FHIT: variants seen among roughly 807,000 people sequenced by gnomAD.
The protein encoded by FHIT is bis(5'-adenosyl)-triphosphatase.
A neutral mutation model predicts 17.9 loss-of-function variants in FHIT; 19 were observed. The ratio of observed to expected loss-of-function variants is 1.06; its 90% CI spans 0.74 to 1.56. The LOEUF (loss-of-function observed/expected upper bound fraction) is 1.56, where lower values mean the gene tolerates loss of function less well. Among genes scored for constraint, FHIT ranks in the 40% most tolerant of loss-of-function variants. The pLI is 0.00. For missense variants in FHIT, 248 were observed against 189.2 expected, an observed-to-expected ratio of 1.31 and a Z score of -1.82; for synonymous variants, 81 against 69.7, an observed-to-expected ratio of 1.16 and a Z score of -0.81.
At chr3:60,135,593 G>A (rs1334336758) in intron 5 of FHIT, among the ~76,000 whole-genome samples, 1 of 152,014 alleles carries the variant, frequency 6.6e-6, no homozygotes, top group Non-Finnish European at 1.5e-5. Flanking sequence ...TCTACATGAA[G>A]TAACCCGACT....
At chr3:60,169,696 T>C (rs1190709698) in intron 5 of FHIT, among the ~76,000 whole-genome samples, 2 of 152,130 alleles carry the variant, frequency 1.3e-5, no homozygotes, top group Non-Finnish European at 2.9e-5. Context: ...TTCCACATCT[T>C]CAGGAGACAA....
chr3:61,215,708 T>C (rs917603806), intron 1 of FHIT, among the ~76,000 whole-genome samples: 7 of 152,130 alleles, frequency 4.6e-5, no homozygotes, highest in East Asian at 1.9e-4. Flanking sequence ...GCCAAAAGAA[T>C]AAAGCTGGAG....
chr3:60,427,916 A>G (rs1460279433), intron 5 of FHIT, among the ~76,000 whole-genome samples: 1 of 151,992 alleles, frequency 6.6e-6, no homozygotes. Flanking sequence ...CCATCCTCCC[A>G]ATCATTTAGT....
At chr3:60,277,562 G>C (rs1707213894) in intron 5 of FHIT, among the ~76,000 whole-genome samples, 1 of 152,156 alleles carries the variant, frequency 6.6e-6, no homozygotes, top group South Asian at 2.1e-4. Flanking sequence ...GTCGCCATTT[G>C]CTTAAGATCA....
At chr3:60,163,995 G>A (rs570026641) in intron 5 of FHIT, among the ~76,000 whole-genome samples, 1 of 152,112 alleles carries the variant, frequency 6.6e-6, no homozygotes, top group Non-Finnish European at 1.5e-5. Flanking sequence ...GCTGGCTTCT[G>A]CTCACCCTCA....
chr3:60,070,937 T>C (rs746785876), intron 5 of FHIT, among the ~76,000 whole-genome samples: 19 of 152,266 alleles, frequency 1.2e-4, no homozygotes, highest in Non-Finnish European at 4.4e-5. Context: ...CAGGTCCATC[T>C]ACCTGATGAC....
chr3:60,656,475 A>C (rs1050553021), intron 4 of FHIT, among the ~76,000 whole-genome samples: 2 of 152,084 alleles, frequency 1.3e-5, no homozygotes, highest in Non-Finnish European at 2.9e-5. Flanking sequence ...GCCCGCACCC[A>C]AATGAATTGG....
At chr3:61,023,930 T>C (rs1021697819) in intron 3 of FHIT, among the ~76,000 whole-genome samples, 5 of 152,100 alleles carry the variant, frequency 3.3e-5, no homozygotes, top group Non-Finnish European at 7.4e-5. Context: ...ATTCAGGACA[T>C]AGGCATGGGC....
intron 4 of FHIT, among the ~76,000 whole-genome samples, chr3:60,638,290 T>C (rs2039639907): frequency 6.6e-6 from 1 of 152,134 alleles, no homozygotes; most frequent in Admixed American, 6.5e-5. Flanking sequence ...GAATGACAGA[T>C]TTAGAAAATC....
At chr3:60,070,939 C>T (rs1038504622) in intron 5 of FHIT, among the ~76,000 whole-genome samples, 1 of 152,204 alleles carries the variant, frequency 6.6e-6, no homozygotes, top group East Asian at 1.9e-4. Flanking sequence ...GGTCCATCTA[C>T]CTGATGACAT....
chr3:60,874,254 G>C (rs1445816679), intron 3 of FHIT, among the ~76,000 whole-genome samples: 1 of 152,124 alleles, frequency 6.6e-6, no homozygotes, highest in Non-Finnish European at 1.5e-5. Flanking sequence ...CATGTTTGCT[G>C]CTATCAGCAG....
intron 8 of FHIT, among the ~76,000 whole-genome samples, chr3:59,901,039 G>A (rs1159793371): frequency 6.6e-6 from 1 of 152,198 alleles, no homozygotes; most frequent in African/African-American, 2.4e-5. Context: ...TGTTTTGTCT[G>A]TTAACGTAAC....
intron 4 of FHIT, among the ~76,000 whole-genome samples, chr3:60,645,292 C>G (rs868984866): frequency 1.3e-5 from 2 of 152,134 alleles, no homozygotes; most frequent in African/African-American, 4.8e-5. Context: ...GCATTCCTAC[C>G]CTACCACCCA....
intron 5 of FHIT, among the ~76,000 whole-genome samples, chr3:60,231,770 G>C (rs140906609): frequency 1.3e-5 from 2 of 152,138 alleles, no homozygotes; most frequent in Admixed American, 6.5e-5. Context: ...AAATTGGCTA[G>C]GCTATAGTTC....
intron 5 of FHIT, among the ~76,000 whole-genome samples, chr3:60,463,384 T>C (rs899813328): frequency 1.4e-4 from 21 of 152,322 alleles, no homozygotes; most frequent in Non-Finnish European, 2.5e-4. Context: ...AAGGATTTAA[T>C]TGCATTTAGA....
intron 4 of FHIT, among the ~76,000 whole-genome samples, chr3:60,628,582 G>C (rs1406489139): frequency 6.6e-6 from 1 of 152,174 alleles, no homozygotes; most frequent in Admixed American, 6.5e-5. Flanking sequence ...TTGGGAGTTA[G>C]ATCTTCAGGC....
intron 2 of FHIT, among the ~76,000 whole-genome samples, chr3:61,199,294 G>A (rs2038947494): frequency 6.6e-6 from 1 of 152,088 alleles, no homozygotes; most frequent in African/African-American, 2.4e-5. Context: ...TTGTTAAGAT[G>A]GCTACATCAC....
chr3:60,631,293 A>G (rs185322704), intron 4 of FHIT, among the ~76,000 whole-genome samples: 364 of 152,328 alleles, frequency 2.4e-3, no homozygotes, highest in Middle Eastern at 0.01. Context: ...GCCAGATTAC[A>G]TTTGTATGAA....
chr3:60,237,124 T>A (rs2107564620), intron 5 of FHIT, among the ~76,000 whole-genome samples: 1 of 152,266 alleles, frequency 6.6e-6, no homozygotes, highest in African/African-American at 2.4e-5. Context: ...TCATATTTCT[T>A]TATGAAAAAG....
Sources: gnomAD v4.1 joint callset for allele counts (sites outside exome capture counted in the v4.1 genomes callset) on GRCh38, gnomAD v4.1.1 for gene constraint, MANE v1.5 for transcripts, NCBI Gene and HGNC (gene_info 2026-07-23, HGNC 2026-07-21) for gene names.